The following ZDHHC14 variants were observed in gnomAD, a reference collection of about 807,000 sequenced individuals.
ZDHHC14 encodes the protein zDHHC palmitoyltransferase 14.
A neutral mutation model predicts 47.7 loss-of-function variants in ZDHHC14; 16 were observed. That is an observed-to-expected ratio of 0.34 (90% CI 0.23 to 0.51). The LOEUF (loss-of-function observed/expected upper bound fraction) is 0.51. ZDHHC14 is among the 20% of genes least tolerant of loss of function. ZDHHC14 has a pLI of 0.97. For synonymous variants in ZDHHC14, 293 were observed against 278.9 expected (o/e 1.05, Z -0.50); for missense variants, 515 against 662.5 (o/e 0.78, Z 2.44).
At chr6:157,452,548 T>A (rs1373249863) in intron 1 of ZDHHC14, among the ~76,000 whole-genome samples, 2 of 152,210 alleles carry the variant, frequency 1.3e-5, no homozygotes, top group East Asian at 3.8e-4. Flanking sequence ...TGTGCAACTC[T>A]GTAATTTCAG....
At chr6:157,456,012 G>T (rs1279443375) in intron 1 of ZDHHC14, among the ~76,000 whole-genome samples, 2 of 152,102 alleles carry the variant, frequency 1.3e-5, no homozygotes, top group African/African-American at 4.8e-5. Context: ...AAAGAACAGA[G>T]GAAATGGGAG....
intron 2 of ZDHHC14, among the ~76,000 whole-genome samples, chr6:157,572,830 G>A (rs1463660844): frequency 6.6e-6 from 1 of 151,828 alleles, no homozygotes; most frequent in Admixed American, 6.6e-5. Flanking sequence ...ATTCTTCGAG[G>A]CCACCTGTTT....
At chr6:157,484,867 GAGA>G (rs1224833253) in intron 1 of ZDHHC14, among the ~76,000 whole-genome samples, 1 of 152,078 alleles carries the variant, frequency 6.6e-6, no homozygotes, top group African/African-American at 2.4e-5. Flanking sequence ...TGATAGAAGT[GAGA>G]AGATTTGGTT....
intron 1 of ZDHHC14, among the ~76,000 whole-genome samples, chr6:157,511,922 T>G (rs1411128950): frequency 2.0e-5 from 3 of 152,138 alleles, no homozygotes; most frequent in African/African-American, 7.2e-5. Context: ...ACACTCACGA[T>G]GTCTGGGAGA....
chr6:157,531,961 G>C (rs918360471), intron 1 of ZDHHC14, among the ~76,000 whole-genome samples: 1 of 152,278 alleles, frequency 6.6e-6, no homozygotes, highest in African/African-American at 2.4e-5. Flanking sequence ...GGGGGTGCCA[G>C]CTCCCTGGCA....
chr6:157,652,824 G>T (rs1381672887), intron 7 of ZDHHC14, among the ~76,000 whole-genome samples: 1 of 152,206 alleles, frequency 6.6e-6, no homozygotes, highest in Non-Finnish European at 1.5e-5. Flanking sequence ...ACAGGGCCAG[G>T]TACCATGGGG....
chr6:157,532,896 G>A (rs572459792), intron 1 of ZDHHC14, among the ~76,000 whole-genome samples: 83 of 152,034 alleles, frequency 5.5e-4, no homozygotes, highest in Non-Finnish European at 1.0e-3. Flanking sequence ...TTAATATTTC[G>A]GCAATTATCT....
chr6:157,466,179 T>A (rs577585526), intron 1 of ZDHHC14, among the ~76,000 whole-genome samples: 1 of 152,198 alleles, frequency 6.6e-6, no homozygotes, highest in Non-Finnish European at 1.5e-5. Flanking sequence ...TAGGGAGGAC[T>A]GGAGAGGGCC....
At chr6:157,664,834 ACATGCC>A (rs1562537463) in intron 8 of ZDHHC14, among the ~76,000 whole-genome samples, 6 of 152,156 alleles carry the variant, frequency 3.9e-5, no homozygotes. Flanking sequence ...CTCACCCTGC[ACATGCC>A]CAGCGCAACC....
chr6:157,554,359 G>A (rs1237630496), intron 2 of ZDHHC14, among the ~76,000 whole-genome samples: 3 of 152,214 alleles, frequency 2.0e-5, no homozygotes, highest in Non-Finnish European at 2.9e-5. Flanking sequence ...GGCCGTAGGC[G>A]AGACGGCACG....
chr6:157,429,780 C>G (rs1778299684), intron 1 of ZDHHC14, among the ~76,000 whole-genome samples: 2 of 152,148 alleles, frequency 1.3e-5, no homozygotes, highest in Admixed American at 6.5e-5. Context: ...CTTCTCCTCC[C>G]TTTTCAAAAC....
intron 2 of ZDHHC14, among the ~76,000 whole-genome samples, chr6:157,545,767 TGGAGGGCCTCAGACATGGGTTTGA>T (rs1781946938): frequency 6.6e-6 from 1 of 152,124 alleles, no homozygotes; most frequent in South Asian, 2.1e-4. Context: ...GAGAGGGCTT[TGGAGGGCCTCAGACATGGGTTTGA>T]ATCCTGGCTC....
intron 8 of ZDHHC14, 100 bp from the exon 9 acceptor site, chr6:157,672,624 A>ACCCCCCCCCCCC: frequency 3.7e-6 from 1 of 273,144 alleles, no homozygotes; most frequent in Non-Finnish European, 7.2e-6. Flanking sequence ...CTCTTCTCGC[A>ACCCCCCCCCCCC]CCCCACCCTC....
At chr6:157,510,980 A>T (rs1312834682) in intron 1 of ZDHHC14, among the ~76,000 whole-genome samples, 1 of 152,192 alleles carries the variant, frequency 6.6e-6, no homozygotes, top group Non-Finnish European at 1.5e-5. Context: ...ATCATAATTT[A>T]CCTTTGTGGC....
intron 2 of ZDHHC14, among the ~76,000 whole-genome samples, chr6:157,581,362 G>C (rs946667388): frequency 6.6e-6 from 1 of 151,546 alleles, no homozygotes; most frequent in African/African-American, 2.4e-5. Context: ...TTAAGAGTAC[G>C]TGCTATGTGG....
intron 2 of ZDHHC14, among the ~76,000 whole-genome samples, chr6:157,556,970 A>C (rs1017643108): frequency 6.6e-6 from 1 of 152,166 alleles, no homozygotes; most frequent in Non-Finnish European, 1.5e-5. Flanking sequence ...ACTGGAGCGC[A>C]GAGGGATCCC....
chr6:157,418,273 T>C (rs1396239330), intron 1 of ZDHHC14, among the ~76,000 whole-genome samples: 4 of 152,204 alleles, frequency 2.6e-5, no homozygotes, highest in Admixed American at 2.6e-4. Flanking sequence ...GGTAAAACGA[T>C]GAAGTCATGC....
intron 1 of ZDHHC14, among the ~76,000 whole-genome samples, chr6:157,535,881 A>C (rs2114792090): frequency 6.6e-6 from 1 of 152,300 alleles, no homozygotes; most frequent in Non-Finnish European, 1.5e-5. Flanking sequence ...ATTTCTAAGT[A>C]TGTGATTAAG....
At chr6:157,548,939 C>G (rs1378517924) in intron 2 of ZDHHC14, among the ~76,000 whole-genome samples, 3 of 152,214 alleles carry the variant, frequency 2.0e-5, no homozygotes, top group African/African-American at 7.2e-5. Flanking sequence ...GTTGATGAAG[C>G]GTCTCTCCCC....
Sources: gnomAD v4.1 joint callset for allele counts (sites outside exome capture counted in the v4.1 genomes callset) on GRCh38, gnomAD v4.1.1 for gene constraint, MANE v1.5 for transcripts, NCBI Gene and HGNC (gene_info 2026-07-23, HGNC 2026-07-21) for gene names.